The following CDH12 variants were observed in gnomAD, a reference collection of about 807,000 sequenced individuals.
CDH12 encodes the protein cadherin 12.
In CDH12, 41 loss-of-function variants were observed where a neutral mutation model predicts 74.1. That is an observed-to-expected ratio of 0.55 (90% CI 0.43 to 0.72). The LOEUF is 0.72. CDH12 is among the 30% of genes least tolerant of loss of function. The pLI, the probability that CDH12 is intolerant of heterozygous loss-of-function variation, is 0.00. For synonymous variants in CDH12, 399 were observed against 355.0 expected (o/e 1.12, Z -1.39); for missense variants, 945 against 977.2 (o/e 0.97, Z 0.44).
intron 1 of CDH12, among the ~76,000 whole-genome samples, chr5:22,529,067 A>T (rs545228659): frequency 6.6e-6 from 1 of 151,084 alleles, no homozygotes; most frequent in Non-Finnish European, 1.5e-5. Flanking sequence ...GTATATATGT[A>T]TATATGCATA....
At chr5:22,656,883 G>T (rs904215039) in intron 1 of CDH12, among the ~76,000 whole-genome samples, 2 of 152,026 alleles carry the variant, frequency 1.3e-5, no homozygotes, top group Admixed American at 6.6e-5. Flanking sequence ...TGTTGCTCAG[G>T]CTGGAGTGTG....
intron 3 of CDH12, among the ~76,000 whole-genome samples, chr5:22,258,669 T>G (rs1201390644): frequency 1.3e-5 from 2 of 152,114 alleles, no homozygotes; most frequent in Non-Finnish European, 2.9e-5. Context: ...GTGTATCACT[T>G]TTTACCTTTT....
intron 2 of CDH12, among the ~76,000 whole-genome samples, chr5:22,429,798 C>A (rs1216506084): frequency 6.6e-6 from 1 of 152,188 alleles, no homozygotes; most frequent in South Asian, 2.1e-4. Flanking sequence ...GCTCTCCTGA[C>A]AAATTTGGAA....
intron 6 of CDH12, among the ~76,000 whole-genome samples, chr5:21,898,318 G>T (rs575877556): frequency 2.0e-4 from 31 of 152,164 alleles, no homozygotes; most frequent in African/African-American, 7.5e-4. Context: ...CAAACTCCTG[G>T]TCTCAAGTGA....
At chr5:21,967,311 T>C (rs115538543) in intron 6 of CDH12, among the ~76,000 whole-genome samples, 1,816 of 152,120 alleles carry the variant, frequency 0.012, 29 homozygotes, top group South Asian at 0.06. Flanking sequence ...AAAATATAAA[T>C]AGAATAGAGC....
intron 1 of CDH12, among the ~76,000 whole-genome samples, chr5:22,624,606 C>T (rs549685907): frequency 4.3e-4 from 65 of 152,140 alleles, no homozygotes; most frequent in African/African-American, 8.4e-4. Flanking sequence ...AAAACCACAA[C>T]GAGATACCAT....
chr5:22,598,422 C>G (rs1383722615), intron 1 of CDH12, among the ~76,000 whole-genome samples: 1 of 152,114 alleles, frequency 6.6e-6, no homozygotes, highest in Non-Finnish European at 1.5e-5. Flanking sequence ...TTTTCTCCTT[C>G]ACTCGGCGCT....
Position 22,514,512 on chromosome 5 carries a change from T to TA in CDH12, c.-522-9149dup, listed in dbSNP as rs575446364. On this transcript the variant is annotated intron_variant, in intron 1 of 14. Transcript: ENST00000382254. The stretch of plus-strand genomic sequence containing the variant: ...CCAGATCCCAGGAAGCCTATACACT[T>TA]AAAAAAAAAAAAGTATCTCCTAAAT... Among the ~76,000 whole-genome samples the TA allele has an allele frequency of 2.5e-3, 357 of 144,808 alleles. 4 individuals carry two copies. The highest frequency in any genetic ancestry group is 6.3e-3 in the African/African-American group (252 of 39,840). 95.0% of individuals were successfully genotyped at this position (144,808 alleles called of 152,430 possible). A position where few individuals can be genotyped will look rare whatever the true frequency, so the allele number is the denominator to read the frequency against.
intron 5 of CDH12, among the ~76,000 whole-genome samples, chr5:22,011,579 G>A (rs1737297099): frequency 6.6e-6 from 1 of 152,044 alleles, no homozygotes; most frequent in Non-Finnish European, 1.5e-5. Flanking sequence ...AGCCACATGT[G>A]GAATACACTG....
chr5:22,624,291 G>A (rs1179899622), intron 1 of CDH12, among the ~76,000 whole-genome samples: 4 of 152,108 alleles, frequency 2.6e-5, no homozygotes, highest in African/African-American at 4.8e-5. Flanking sequence ...CAAAGGTAAC[G>A]AAAGCCAAAA....
At chr5:22,698,082 A>C (rs1470710003) in intron 1 of CDH12, among the ~76,000 whole-genome samples, 1 of 148,036 alleles carries the variant, frequency 6.8e-6, no homozygotes, top group Non-Finnish European at 1.5e-5. Flanking sequence ...GAGACTATTC[A>C]GATAGGTTAC....
At chr5:21,891,300 T>C (rs1008325684) in intron 6 of CDH12, among the ~76,000 whole-genome samples, 2 of 152,060 alleles carry the variant, frequency 1.3e-5, no homozygotes, top group African/African-American at 4.8e-5. Flanking sequence ...CAGTATCAAT[T>C]TACAGCTGTG....
chr5:21,798,605 G>C (rs78917225), intron 10 of CDH12, among the ~76,000 whole-genome samples: 2,325 of 152,166 alleles, frequency 0.015, 50 homozygotes, highest in African/African-American at 0.052. Context: ...CTTTGTGGGG[G>C]TAAGGAGGTC....
chr5:22,496,711 C>G (rs986464189), intron 2 of CDH12, among the ~76,000 whole-genome samples: 1 of 152,166 alleles, frequency 6.6e-6, no homozygotes, highest in African/African-American at 2.4e-5. Flanking sequence ...CAGTCTTGAT[C>G]TTTTAAGATT....
At chr5:22,548,740 A>G (rs74333486) in intron 1 of CDH12, among the ~76,000 whole-genome samples, 6,597 of 151,942 alleles carry the variant, frequency 0.043, 472 homozygotes, top group African/African-American at 0.14. Flanking sequence ...ATCCTAGATA[A>G]TTCCAACTTT....
At chr5:22,120,806 T>C (rs1745465980) in intron 4 of CDH12, among the ~76,000 whole-genome samples, 1 of 152,162 alleles carries the variant, frequency 6.6e-6, no homozygotes, top group African/African-American at 2.4e-5. Context: ...AAAGCATTAA[T>C]TTCTTTATTC....
intron 4 of CDH12, among the ~76,000 whole-genome samples, chr5:22,180,310 G>T (rs923346623): frequency 2.6e-5 from 4 of 151,964 alleles, no homozygotes; most frequent in African/African-American, 9.7e-5. Context: ...AGAGAAAACT[G>T]GACTTATTGA....
intron 1 of CDH12, among the ~76,000 whole-genome samples, chr5:22,636,835 A>G (rs268989): frequency 0.56 from 85,444 of 152,038 alleles, 24,306 homozygotes; most frequent in East Asian, 0.68. Flanking sequence ...ATTATATCTC[A>G]ATAAAATGTC....
At chr5:22,047,204 A>G (rs1358040468) in intron 5 of CDH12, among the ~76,000 whole-genome samples, 1 of 152,178 alleles carries the variant, frequency 6.6e-6, no homozygotes, top group Non-Finnish European at 1.5e-5. Flanking sequence ...TTTCAGTATT[A>G]TTCAAATGTT....
Sources: gnomAD v4.1 joint callset for allele counts (sites outside exome capture counted in the v4.1 genomes callset) on GRCh38, gnomAD v4.1.1 for gene constraint, MANE v1.5 for transcripts, NCBI Gene and HGNC (gene_info 2026-07-23, HGNC 2026-07-21) for gene names.